Variants in CACNA2D3 observed in about 807,000 individuals in gnomAD.
The protein encoded by CACNA2D3 is voltage-dependent calcium channel subunit alpha-2/delta-3.
A neutral mutation model predicts 160.6 loss-of-function variants in CACNA2D3; 60 were observed. That is an observed-to-expected ratio of 0.37 (90% CI 0.30 to 0.46). The LOEUF is 0.46. Among genes scored for constraint, CACNA2D3 ranks in the 20% least tolerant of loss-of-function variants. CACNA2D3 has a pLI of 1.00. For missense variants in CACNA2D3, 1,205 were observed against 1,365.0 expected (o/e 0.88, Z 1.85); for synonymous variants, 558 against 492.9 (o/e 1.13, Z -1.75).
intron 35 of CACNA2D3, among the ~76,000 whole-genome samples, chr3:55,039,823 T>A (rs1703919436): frequency 6.6e-6 from 1 of 152,188 alleles, no homozygotes; most frequent in Non-Finnish European, 1.5e-5. Flanking sequence ...GAGTCAAACC[T>A]AGGAAATATA....
chr3:54,808,736 G>T (rs930868667), intron 13 of CACNA2D3, among the ~76,000 whole-genome samples: 1 of 152,094 alleles, frequency 6.6e-6, no homozygotes, highest in Non-Finnish European at 1.5e-5. Flanking sequence ...GTAGAGATAG[G>T]AGTCACACTC....
intron 27 of CACNA2D3, among the ~76,000 whole-genome samples, chr3:54,949,688 C>T (rs1242074976): frequency 6.6e-6 from 1 of 152,192 alleles, no homozygotes; most frequent in African/African-American, 2.4e-5. Context: ...CGCCCAACAT[C>T]GTTGGTCAGG....
chr3:54,174,642 C>T (rs775426021), intron 2 of CACNA2D3, among the ~76,000 whole-genome samples: 4 of 152,074 alleles, frequency 2.6e-5, no homozygotes, highest in South Asian at 2.1e-4. Flanking sequence ...CTCCTGCCTC[C>T]GTCTCCTGAG....
intron 17 of CACNA2D3, among the ~76,000 whole-genome samples, chr3:54,869,963 T>C (rs56374770): frequency 0.14 from 21,921 of 152,104 alleles, 3,238 homozygotes; most frequent in African/African-American, 0.38. Flanking sequence ...ACCGTGAATG[T>C]CTGTTAATTG....
At chr3:54,242,536 C>T (rs1474726405) in intron 2 of CACNA2D3, among the ~76,000 whole-genome samples, 1 of 152,126 alleles carries the variant, frequency 6.6e-6, no homozygotes, top group African/African-American at 2.4e-5. Flanking sequence ...ACTTTGGGGT[C>T]ATTATGAAAT....
At chr3:54,739,811 G>C (rs998278038) in intron 11 of CACNA2D3, among the ~76,000 whole-genome samples, 7 of 150,944 alleles carry the variant, frequency 4.6e-5, no homozygotes, top group African/African-American at 1.7e-4. Context: ...ATATATATGT[G>C]TGTGTGTATA....
intron 14 of CACNA2D3, among the ~76,000 whole-genome samples, chr3:54,836,141 G>A (rs1038199181): frequency 3.3e-5 from 5 of 151,610 alleles, no homozygotes; most frequent in African/African-American, 1.2e-4. Flanking sequence ...GTGCAATGGT[G>A]TGTCTCCATG....
At chr3:54,501,997 A>G (rs1300949624) in intron 4 of CACNA2D3, among the ~76,000 whole-genome samples, 1 of 152,108 alleles carries the variant, frequency 6.6e-6, no homozygotes, top group African/African-American at 2.4e-5. Context: ...GTCTGATGTA[A>G]TCCTTATCCC....
intron 4 of CACNA2D3, among the ~76,000 whole-genome samples, chr3:54,428,130 T>C (rs983297053): frequency 1.3e-5 from 2 of 152,238 alleles, no homozygotes; most frequent in South Asian, 2.1e-4. Context: ...ACTACCTCAG[T>C]GTTTGTTTAC....
intron 4 of CACNA2D3, among the ~76,000 whole-genome samples, chr3:54,501,565 A>G (rs1701294769): frequency 6.6e-6 from 1 of 151,632 alleles, no homozygotes; most frequent in Non-Finnish European, 1.5e-5. Flanking sequence ...TGCTGCTGCA[A>G]CCGACTAATT....
chr3:54,424,188 T>C (rs1401223119), intron 4 of CACNA2D3, among the ~76,000 whole-genome samples: 1 of 152,220 alleles, frequency 6.6e-6, no homozygotes, highest in Non-Finnish European at 1.5e-5. Flanking sequence ...ATTTTCATTT[T>C]GTACTGGGCC....
chr3:54,246,485 G>A (rs1702079454), intron 2 of CACNA2D3, among the ~76,000 whole-genome samples: 1 of 152,154 alleles, frequency 6.6e-6, no homozygotes, highest in Non-Finnish European at 1.5e-5. Flanking sequence ...CTGAGGTCAG[G>A]AGGTCAAGAC....
At chr3:55,014,609 G>A (rs1232733406) in intron 34 of CACNA2D3, among the ~76,000 whole-genome samples, 2 of 152,114 alleles carry the variant, frequency 1.3e-5, no homozygotes, top group Admixed American at 6.5e-5. Context: ...GCGCGTGCCT[G>A]TAATCCCAGC....
At chr3:54,629,293 A>G (rs1699184065) in intron 10 of CACNA2D3, among the ~76,000 whole-genome samples, 1 of 151,998 alleles carries the variant, frequency 6.6e-6, no homozygotes, top group Non-Finnish European at 1.5e-5. Flanking sequence ...CATTCACTCC[A>G]CAGTTCATAA....
chr3:54,536,154 T>C (rs184063896), intron 5 of CACNA2D3, among the ~76,000 whole-genome samples: 1 of 152,338 alleles, frequency 6.6e-6, no homozygotes, highest in African/African-American at 2.4e-5. Flanking sequence ...CCTTGACCTC[T>C]AATCCTATGA....
At chr3:54,268,072 C>T (rs1160373603) in intron 2 of CACNA2D3, among the ~76,000 whole-genome samples, 1 of 152,114 alleles carries the variant, frequency 6.6e-6, no homozygotes, top group East Asian at 1.9e-4. Context: ...GGTTCATATT[C>T]AGAATCAGAA....
intron 16 of CACNA2D3, among the ~76,000 whole-genome samples, chr3:54,843,557 G>A (rs1487061357): frequency 6.6e-6 from 1 of 152,200 alleles, no homozygotes; most frequent in Non-Finnish European, 1.5e-5. Context: ...CAGACCCCAG[G>A]GAGACCTGAT....
chr3:54,885,024 G>A (rs1405526854), intron 21 of CACNA2D3, among the ~76,000 whole-genome samples: 1 of 152,152 alleles, frequency 6.6e-6, no homozygotes, highest in Non-Finnish European at 1.5e-5. Flanking sequence ...TCTTCAAGGG[G>A]TTAAGGTTTT....
chr3:54,295,990 C>T (rs796285961), intron 2 of CACNA2D3, among the ~76,000 whole-genome samples: 9 of 152,234 alleles, frequency 5.9e-5, no homozygotes, highest in African/African-American at 2.2e-4. Context: ...GGGTAGGGAG[C>T]CCAGGGTGCC....
Sources: allele counts gnomAD v4.1 joint callset (sites outside exome capture counted in the v4.1 genomes callset), GRCh38; gene constraint gnomAD v4.1.1; transcripts MANE v1.5; gene names NCBI Gene and HGNC (gene_info 2026-07-23, HGNC 2026-07-21).